Variants in GSTA3 observed in about 807,000 individuals in gnomAD.
GSTA3 encodes glutathione S-transferase alpha 3, also known as glutathione S-transferase A3.
A neutral mutation model predicts 23.1 loss-of-function variants in GSTA3; 16 were observed. That is an observed-to-expected ratio of 0.69 (90% CI 0.47 to 1.05). The LOEUF is 1.05. GSTA3 is among the 50% of genes least tolerant of loss of function. The probability of loss-of-function intolerance (pLI) is 0.00; values close to 1 mark genes in which losing one functional copy is unlikely to be tolerated. For synonymous variants in GSTA3, 122 were observed against 91.0 expected, an observed-to-expected ratio of 1.34 and a Z score of -1.94; for missense variants, 319 against 263.6, an observed-to-expected ratio of 1.21 and a Z score of -1.46.
chr6:52,898,715 A>G (rs925989951), intron 5 of GSTA3, among the ~76,000 whole-genome samples: 18 of 152,220 alleles, frequency 1.2e-4, no homozygotes, highest in Non-Finnish European at 2.1e-4. Context: ...GTACTTGAAT[A>G]TAAAATTTTC....
At chr6:52,904,497 TC>T (rs2127362031) in intron 2 of GSTA3, among the ~76,000 whole-genome samples, 1 of 152,054 alleles carries the variant, frequency 6.6e-6, no homozygotes, top group African/African-American at 2.4e-5. Context: ...GAAAGGTGAG[TC>T]CCAAGCCCTC....
At chr6:52,898,077 G>T (rs746736675) in intron 5 of GSTA3, 121 bp from the exon 6 acceptor site, 2 of 1,118,592 alleles carry the variant, frequency 1.8e-6, no homozygotes, top group African/African-American at 1.5e-5. Context: ...TGGTGTGAAG[G>T]TCCAGGCCTT....
intron 2 of GSTA3, 34 bp downstream of exon 2, chr6:52,905,714 G>T (rs1242382841): frequency 6.6e-6 from 8 of 1,204,984 alleles, no homozygotes; most frequent in South Asian, 2.5e-5. Flanking sequence ...CAGTCAATTA[G>T]GTCCAACTTA....
chr6:52,897,637 T>C (rs912350814), intron 6 of GSTA3, among the ~76,000 whole-genome samples, 188 bp downstream of exon 6: 2 of 152,134 alleles, frequency 1.3e-5, no homozygotes, highest in African/African-American at 4.8e-5. Context: ...TGACCACAAA[T>C]TTCCTTTCCA....
chr6:52,902,159 C>T (rs763928588), intron 4 of GSTA3, among the ~76,000 whole-genome samples, 187 bp downstream of exon 4: 2 of 152,190 alleles, frequency 1.3e-5, no homozygotes, highest in Non-Finnish European at 2.9e-5. Context: ...ATCACACTCA[C>T]CTGAACCCTC....
intron 3 of GSTA3, among the ~76,000 whole-genome samples, chr6:52,902,699 T>TC (rs1330248263): frequency 1.3e-5 from 2 of 152,194 alleles, no homozygotes; most frequent in Non-Finnish European, 2.9e-5. Context: ...ATGTTTTTAT[T>TC]CCCCATCCAG....
intron 2 of GSTA3, 59 bp from the exon 3 acceptor site, chr6:52,903,786 G>T: frequency 2.0e-6 from 2 of 1,006,738 alleles, no homozygotes; most frequent in Non-Finnish European, 3.1e-6. Context: ...TTACAGACTT[G>T]TGACCTTGAA....
At chr6:52,901,147 G>T (rs1169039057) in intron 4 of GSTA3, among the ~76,000 whole-genome samples, 1 of 152,124 alleles carries the variant, frequency 6.6e-6, no homozygotes, top group Non-Finnish European at 1.5e-5. Context: ...CATTATCGTT[G>T]TCACCCATTA....
chr6:52,899,142 C>G (rs970308796), intron 5 of GSTA3, among the ~76,000 whole-genome samples: 3 of 151,748 alleles, frequency 2.0e-5, no homozygotes, highest in African/African-American at 4.8e-5. Context: ...AGCAGGTGAT[C>G]GGAATGAGTT....
chr6:52,909,344 C>A (rs1355378232), intron 1 of GSTA3, among the ~76,000 whole-genome samples: 1 of 152,180 alleles, frequency 6.6e-6, no homozygotes, highest in Non-Finnish European at 1.5e-5. Context: ...CATAAGCAAC[C>A]TTTGGCATGT....
chr6:52,897,779 A>T (rs1176902297), intron 6 of GSTA3, 46 bp downstream of exon 6: 1 of 1,608,424 alleles, frequency 6.2e-7, no homozygotes, highest in Non-Finnish European at 8.5e-7. Context: ...AGATCCCAAG[A>T]TGGGACATGT....
rs1454226309 is a variant in GSTA3, at chr6:52,905,729, G to C, written c.87+19C>G. 7.0e-7 allele frequency: 1 copy of C among 1,431,684 alleles called. No homozygotes were observed. 88.7% of individuals were successfully genotyped at this position (1,431,684 alleles called of 1,614,324 possible). ...CAGTCAATTAGGTCCAACTTAAGAT[G>C]ACCTAACTTAGAACATACCTCCACT... On this transcript the variant is annotated intron_variant, in intron 2 of 6. Transcript: ENST00000211122.
At chr6:52,906,577 A>G (rs2127364021) in intron 1 of GSTA3, among the ~76,000 whole-genome samples, 1 of 152,346 alleles carries the variant, frequency 6.6e-6, no homozygotes, top group East Asian at 1.9e-4. Context: ...ACAAGGCTAC[A>G]GTAACCAAAA....
intron 1 of GSTA3, among the ~76,000 whole-genome samples, chr6:52,906,495 G>A (rs1322854312): frequency 1.3e-5 from 2 of 152,260 alleles, no homozygotes; most frequent in Admixed American, 6.5e-5. Context: ...AAAAGAGCCC[G>A]CATCATCAAG....
chr6:52,897,440 C>T (rs2127352307), intron 6 of GSTA3, among the ~76,000 whole-genome samples: 1 of 152,278 alleles, frequency 6.6e-6, no homozygotes, highest in East Asian at 1.9e-4. Flanking sequence ...TGGCCAGAGC[C>T]TAAGGAAGGA....
chr6:52,897,936 T>G lies in GSTA3; in HGVS notation c.435A>C (p.Gln145His). The change falls in exon 6 of 7, where the codon CAA (glutamine) becomes CAC (histidine). Residue 145 changes from glutamine to histidine, a missense_variant. Coordinates refer to ENST00000211122, the MANE Select transcript of GSTA3 (RefSeq NM_000847.5). ...TCAGCTTGTTGCCAACAAGGTAGTC[T>G]TGTCCATGGCTCTGTAACACCTGGA... ...AFEKVLQSHGQDYLVGNKLSR... is the reference protein window; with the variant it reads ...AFEKVLQSHGHDYLVGNKLSR... The G allele has an allele frequency of 1.2e-6, 2 of 1,614,048 alleles. No individual in the cohort carries two copies. The highest frequency in any genetic ancestry group is 1.7e-6 in the Non-Finnish European group (2 of 1,179,930).
intron 5 of GSTA3, among the ~76,000 whole-genome samples, chr6:52,898,986 A>T (rs1215758113): frequency 6.6e-6 from 1 of 152,176 alleles, no homozygotes; most frequent in East Asian, 1.9e-4. Flanking sequence ...GTCAGGGCAG[A>T]GCAGGTAGCC....
At chr6:52,908,657 A>G (rs1001000537) in intron 1 of GSTA3, among the ~76,000 whole-genome samples, 2 of 152,252 alleles carry the variant, frequency 1.3e-5, no homozygotes, top group African/African-American at 4.8e-5. Flanking sequence ...CATCGTGACT[A>G]CACAAAAAAT....
intron 1 of GSTA3, 87 bp downstream of exon 1, chr6:52,909,554 C>G (rs1765999786): frequency 6.6e-6 from 1 of 152,208 alleles, no homozygotes. Context: ...ACATAAAGTA[C>G]TCACACAAAC....
Sources: allele counts gnomAD v4.1 joint callset (sites outside exome capture counted in the v4.1 genomes callset), GRCh38; gene constraint gnomAD v4.1.1; transcripts MANE v1.5; gene names NCBI Gene and HGNC (gene_info 2026-07-23, HGNC 2026-07-21).